Variants in CDH13 observed in about 807,000 individuals in gnomAD.
CDH13 encodes cadherin-13.
Under a neutral mutation model 63.8 loss-of-function variants are expected in CDH13, and 24 were observed. The observed-to-expected ratio is 0.38, with a 90% CI of 0.27 to 0.53. The LOEUF is 0.53. CDH13 is among the 20% of genes least tolerant of loss of function. The pLI, the probability that CDH13 is intolerant of heterozygous loss-of-function variation, is 0.85. For synonymous variants in CDH13, 503 were observed against 355.3 expected, an observed-to-expected ratio of 1.42 and a Z score of -4.67; for missense variants, 1,049 against 903.1, an observed-to-expected ratio of 1.16 and a Z score of -2.07.
chr16:83,655,830 A>G (rs1012381958), intron 8 of CDH13, among the ~76,000 whole-genome samples: 55 of 152,224 alleles, frequency 3.6e-4, no homozygotes, highest in African/African-American at 1.3e-3. Context: ...TCTGGCTGCT[A>G]CTATGCAGAG....
At chr16:83,497,316 G>T (rs1039384474) in intron 7 of CDH13, among the ~76,000 whole-genome samples, 1 of 152,004 alleles carries the variant, frequency 6.6e-6, no homozygotes, top group Admixed American at 6.6e-5. Context: ...ATACACCATG[G>T]AATACTATGC....
At chr16:83,292,946 G>A (rs1014228697) in intron 5 of CDH13, among the ~76,000 whole-genome samples, 8 of 152,058 alleles carry the variant, frequency 5.3e-5, no homozygotes, top group African/African-American at 1.9e-4. Flanking sequence ...TCAAATACTC[G>A]ATTCCATGGT....
At chr16:83,037,561 A>G (rs1916974584) in intron 3 of CDH13, among the ~76,000 whole-genome samples, 3 of 152,166 alleles carry the variant, frequency 2.0e-5, no homozygotes, top group Non-Finnish European at 4.4e-5. Context: ...TGGAGGATGG[A>G]GATGAATTGG....
intron 7 of CDH13, among the ~76,000 whole-genome samples, chr16:83,525,260 T>C (rs1331619101): frequency 6.6e-6 from 1 of 152,232 alleles, no homozygotes; most frequent in Non-Finnish European, 1.5e-5. Flanking sequence ...AGTTTCCTGA[T>C]AACTGGCATT....
rs181775317 is a variant in CDH13, at chr16:83,043,440, C to T, written c.366+11222C>T. Among the ~76,000 whole-genome samples the T allele has an allele frequency of 3.8e-3, 571 of 150,802 alleles. 4 individuals are homozygous for T. The highest frequency in any genetic ancestry group is 5.8e-3 in the Non-Finnish European group (393 of 67,804). On this transcript the variant is annotated intron_variant, in intron 3 of 13. Coordinates refer to ENST00000567109, the MANE Select transcript of CDH13 (RefSeq NM_001257.5). ...GTTTTCTTATAGTCATGTTAAAAAA[C>T]GAAACCAGTGAAATTAACTTTAATA...
At chr16:82,862,146 A>T (rs959185974) in intron 2 of CDH13, among the ~76,000 whole-genome samples, 2 of 152,204 alleles carry the variant, frequency 1.3e-5, no homozygotes, top group Non-Finnish European at 2.9e-5. Context: ...CCAGCATGGT[A>T]GATCTTGCTT....
intron 1 of CDH13, among the ~76,000 whole-genome samples, chr16:82,789,819 A>G (rs8056579): frequency 0.81 from 123,624 of 152,028 alleles, 50,521 homozygotes; most frequent in East Asian, 0.96. Context: ...TCAGGTCCCA[A>G]TAGCAGTTTC....
intron 11 of CDH13, among the ~76,000 whole-genome samples, chr16:83,761,925 G>T (rs1389734814): frequency 6.6e-6 from 1 of 151,614 alleles, no homozygotes; most frequent in African/African-American, 2.4e-5. Flanking sequence ...AAATTAGCCA[G>T]GCGTGGTTGT....
chr16:83,370,834 A>T (rs145179121), intron 6 of CDH13, among the ~76,000 whole-genome samples: 13 of 152,304 alleles, frequency 8.5e-5, no homozygotes, highest in African/African-American at 2.9e-4. Context: ...AGTATTCCAC[A>T]TTATATATGT....
At chr16:83,294,439 C>G (rs2089539887) in intron 5 of CDH13, among the ~76,000 whole-genome samples, 2 of 152,168 alleles carry the variant, frequency 1.3e-5, no homozygotes, top group South Asian at 4.1e-4. Flanking sequence ...ATTCTACTCA[C>G]TACTTCTGTG....
At chr16:82,735,588 C>A (rs2033632163) in intron 1 of CDH13, among the ~76,000 whole-genome samples, 1 of 152,132 alleles carries the variant, frequency 6.6e-6, no homozygotes, top group African/African-American at 2.4e-5. Context: ...GATGAATAAG[C>A]TTATAGATTT....
At chr16:82,950,084 G>A (rs934377453) in intron 2 of CDH13, among the ~76,000 whole-genome samples, 1 of 152,104 alleles carries the variant, frequency 6.6e-6, no homozygotes, top group Non-Finnish European at 1.5e-5. Context: ...AAACTGGGTG[G>A]CTTAAACAAA....
intron 7 of CDH13, among the ~76,000 whole-genome samples, chr16:83,570,703 TTTATATATTTATATAAATTA>T (rs1450425084): frequency 3.4e-5 from 5 of 145,698 alleles, no homozygotes; most frequent in Admixed American, 1.4e-4. Flanking sequence ...AAATTTATTA[TTTATATATTTATATAAATTA>T]TTATATATTT....
At chr16:83,006,928 G>GT (rs1354618729) in intron 2 of CDH13, among the ~76,000 whole-genome samples, 5 of 128,078 alleles carry the variant, frequency 3.9e-5, no homozygotes, top group African/African-American at 5.7e-5. Context: ...TTGTTTGTTT[G>GT]TTTGTTTTTT....
At chr16:83,042,954 A>G (rs1024277275) in intron 3 of CDH13, among the ~76,000 whole-genome samples, 3 of 152,238 alleles carry the variant, frequency 2.0e-5, no homozygotes, top group African/African-American at 7.2e-5. Context: ...AAACCTGTGA[A>G]GTACCATGCT....
intron 10 of CDH13, among the ~76,000 whole-genome samples, chr16:83,730,146 A>C (rs182507859): frequency 6.6e-6 from 1 of 152,266 alleles, no homozygotes; most frequent in Non-Finnish European, 1.5e-5. Flanking sequence ...CAGTTCCCTG[A>C]TTGATTTTTT....
chr16:82,898,512 G>A (rs924622895), intron 2 of CDH13, among the ~76,000 whole-genome samples: 2 of 152,184 alleles, frequency 1.3e-5, no homozygotes, highest in African/African-American at 4.8e-5. Flanking sequence ...GAGACAGATT[G>A]AGACTCCATC....
chr16:82,695,574 C>T (rs921443318), intron 1 of CDH13, among the ~76,000 whole-genome samples: 6 of 152,168 alleles, frequency 3.9e-5, no homozygotes, highest in African/African-American at 1.4e-4. Context: ...TAAGAACCAT[C>T]TCATGGCATT....
intron 6 of CDH13, among the ~76,000 whole-genome samples, chr16:83,434,881 G>A (rs199614188): frequency 1.1e-5 from 1 of 90,680 alleles, no homozygotes. Context: ...GTGTGTGTGT[G>A]TATGTGTATT....
Sources: allele counts gnomAD v4.1 joint callset (sites outside exome capture counted in the v4.1 genomes callset), GRCh38; gene constraint gnomAD v4.1.1; transcripts MANE v1.5; gene names NCBI Gene and HGNC (gene_info 2026-07-23, HGNC 2026-07-21).